AUTS2: variants seen among roughly 807,000 people sequenced by gnomAD.
The protein encoded by AUTS2 is autism susceptibility gene 2 protein.
AUTS2 carries 17 observed loss-of-function variants against 112.4 expected under a neutral mutation model. That is an observed-to-expected ratio of 0.15 (90% CI 0.10 to 0.23). The LOEUF is 0.23. Among genes scored for constraint, AUTS2 ranks in the 10% least tolerant of loss-of-function variants. AUTS2 has a pLI of 1.00. For synonymous variants in AUTS2, 751 were observed against 702.7 expected (o/e 1.07, Z -1.09); for missense variants, 1,510 against 1,701.6 (o/e 0.89, Z 1.98).
chr7:70,663,384 G>A (rs1807172914), intron 5 of AUTS2, among the ~76,000 whole-genome samples: 1 of 152,138 alleles, frequency 6.6e-6, no homozygotes, highest in East Asian at 1.9e-4. Flanking sequence ...GGGCAACAGC[G>A]GGACTCTGTC....
At chr7:70,192,629 G>A (rs1323045184) in intron 4 of AUTS2, among the ~76,000 whole-genome samples, 3 of 152,176 alleles carry the variant, frequency 2.0e-5, no homozygotes, top group Non-Finnish European at 2.9e-5. Flanking sequence ...GAGACTGTCC[G>A]AGGCTACAGT....
At chr7:70,567,627 T>C (rs17569846) in intron 5 of AUTS2, among the ~76,000 whole-genome samples, 24,132 of 152,228 alleles carry the variant, frequency 0.16, 2,163 homozygotes, top group Non-Finnish European at 0.18. Context: ...GACTTTTTAA[T>C]TGGGCTCATT....
intron 1 of AUTS2, among the ~76,000 whole-genome samples, chr7:69,892,571 T>C (rs963227056): frequency 6.6e-6 from 1 of 152,252 alleles, no homozygotes; most frequent in African/African-American, 2.4e-5. Context: ...CACAGAACAG[T>C]CACTTTATTT....
chr7:70,444,373 T>TGAGAGA (rs1554402014), intron 5 of AUTS2, among the ~76,000 whole-genome samples: 24 of 142,454 alleles, frequency 1.7e-4, no homozygotes, highest in South Asian at 1.4e-3. Flanking sequence ...TGTGTGTGTG[T>TGAGAGA]GAGAGAGAGA....
chr7:70,498,633 C>G (rs1585221300), intron 5 of AUTS2, among the ~76,000 whole-genome samples: 1 of 152,264 alleles, frequency 6.6e-6, no homozygotes, highest in Non-Finnish European at 1.5e-5. Flanking sequence ...GCTGCAACCA[C>G]TAGTTAACTG....
chr7:70,787,775 T>C (rs908276223), intron 18 of AUTS2, among the ~76,000 whole-genome samples: 1 of 152,228 alleles, frequency 6.6e-6, no homozygotes, highest in Non-Finnish European at 1.5e-5. Flanking sequence ...ATCAATTCCA[T>C]ATTTGCTTTC....
At chr7:70,072,133 CT>C (rs1802801689) in intron 2 of AUTS2, among the ~76,000 whole-genome samples, 1 of 152,176 alleles carries the variant, frequency 6.6e-6, no homozygotes, top group Non-Finnish European at 1.5e-5. Context: ...TCTTCTCACC[CT>C]TTTTAATTTT....
chr7:69,721,243 G>A (rs1345535120), intron 1 of AUTS2, among the ~76,000 whole-genome samples: 1 of 152,146 alleles, frequency 6.6e-6, no homozygotes, highest in Non-Finnish European at 1.5e-5. Flanking sequence ...ATTCTCTACT[G>A]AAGGCTGTCA....
At chr7:70,710,539 C>T (rs961521709) in intron 6 of AUTS2, among the ~76,000 whole-genome samples, 3 of 152,232 alleles carry the variant, frequency 2.0e-5, no homozygotes, top group African/African-American at 4.8e-5. Context: ...ATTGCAGCTT[C>T]ATTCACTCAG....
At chr7:69,715,629 C>T (rs1798573679) in intron 1 of AUTS2, among the ~76,000 whole-genome samples, 1 of 152,114 alleles carries the variant, frequency 6.6e-6, no homozygotes, top group Non-Finnish European at 1.5e-5. Flanking sequence ...TCAGCGTAGG[C>T]AGTCAAAATG....
chr7:70,519,171 T>C (rs904486379), intron 5 of AUTS2, among the ~76,000 whole-genome samples: 1 of 152,158 alleles, frequency 6.6e-6, no homozygotes, highest in African/African-American at 2.4e-5. Flanking sequence ...CAGGGTCAAA[T>C]AGAAATGGTG....
chr7:70,615,764 T>A (rs1371576321), intron 5 of AUTS2, among the ~76,000 whole-genome samples: 1 of 152,086 alleles, frequency 6.6e-6, no homozygotes, highest in Non-Finnish European at 1.5e-5. Flanking sequence ...TGTTCAAATT[T>A]TTTTTTTGTC....
chr7:70,637,095 G>C (rs1327452419), intron 5 of AUTS2, among the ~76,000 whole-genome samples: 2 of 152,166 alleles, frequency 1.3e-5, no homozygotes, highest in Admixed American at 1.3e-4. Context: ...TAAAACTGAG[G>C]CTCAGGCTTT....
At chr7:70,251,826 C>T (rs113224841) in intron 4 of AUTS2, among the ~76,000 whole-genome samples, 1 of 151,942 alleles carries the variant, frequency 6.6e-6, no homozygotes, top group Non-Finnish European at 1.5e-5. Context: ...GAAGTGATTT[C>T]AAATTTGAAA....
At chr7:70,414,216 A>G (rs867044305) in intron 4 of AUTS2, among the ~76,000 whole-genome samples, 6 of 152,250 alleles carry the variant, frequency 3.9e-5, no homozygotes, top group South Asian at 2.1e-4. Flanking sequence ...CCTTTCCCCA[A>G]TGCTCCCTAA....
At chr7:70,194,765 G>C (rs1198158759) in intron 4 of AUTS2, 2 of 152,332 alleles carry the variant, frequency 1.3e-5, no homozygotes, top group Middle Eastern at 3.4e-3. Flanking sequence ...ATGACTTATG[G>C]AATCTGAAGC....
chr7:69,878,096 G>A (rs1793884631), intron 1 of AUTS2, among the ~76,000 whole-genome samples: 1 of 152,066 alleles, frequency 6.6e-6, no homozygotes. Context: ...GAGACAGGTT[G>A]GTATCCTAAT....
chr7:69,685,775 C>G (rs977856023), intron 1 of AUTS2, among the ~76,000 whole-genome samples: 4 of 146,428 alleles, frequency 2.7e-5, no homozygotes, highest in African/African-American at 1.0e-4. Context: ...TCAGGCTGGT[C>G]TGGAATTCCT....
chr7:70,573,145 C>A (rs112240932), intron 5 of AUTS2, among the ~76,000 whole-genome samples: 19 of 152,272 alleles, frequency 1.2e-4, no homozygotes, highest in African/African-American at 3.8e-4. Flanking sequence ...AGGCCTTAGG[C>A]CTATTGATAG....
Sources: allele counts gnomAD v4.1 joint callset (sites outside exome capture counted in the v4.1 genomes callset), GRCh38; gene constraint gnomAD v4.1.1; transcripts MANE v1.5; gene names NCBI Gene and HGNC (gene_info 2026-07-23, HGNC 2026-07-21).